The following UST variants were observed in gnomAD, a reference collection of about 807,000 sequenced individuals.
UST encodes uronyl 2-sulfotransferase.
In UST, 21 loss-of-function variants were observed where a neutral mutation model predicts 45.6. That is an observed-to-expected ratio of 0.46 (90% CI 0.33 to 0.66). UST has a LOEUF of 0.66. UST is among the 30% of genes least tolerant of loss of function. The pLI is 0.02. For synonymous variants in UST, 215 were observed against 200.6 expected (o/e 1.07, Z -0.61); for missense variants, 463 against 512.4 (o/e 0.90, Z 0.93).
chr6:148,792,603 G>A (rs1278498124), intron 1 of UST, among the ~76,000 whole-genome samples: 2 of 152,192 alleles, frequency 1.3e-5, no homozygotes, highest in African/African-American at 2.4e-5. Context: ...TGGAGCTCAC[G>A]TTTCAGGCAG....
Position 148,888,159 on chromosome 6 carries a change from G to A in UST, c.291+1130G>A, listed in dbSNP as rs116588884. On this transcript the variant is annotated intron_variant, in intron 2 of 7. Transcript: ENST00000367463. The stretch of plus-strand genomic sequence containing the variant: ...TTTCAATCATGGTGGAAGGCAGAGA[G>A]GAAGCAGGCGCATCTTACGTGGCCA... 3.9e-3 allele frequency among the ~76,000 whole-genome samples: 592 copies of A among 152,288 alleles called. 4 individuals are homozygous for A. The highest frequency in any genetic ancestry group is 0.013 in the African/African-American group (548 of 41,566).
chr6:148,955,083 GT>G (rs1000193847), intron 4 of UST, among the ~76,000 whole-genome samples: 1 of 152,238 alleles, frequency 6.6e-6, no homozygotes, highest in African/African-American at 2.4e-5. Flanking sequence ...GGCCTCCCTT[GT>G]CAGCCCTCTG....
At chr6:148,829,357 A>G (rs1404697966) in intron 1 of UST, among the ~76,000 whole-genome samples, 13 of 152,204 alleles carry the variant, frequency 8.5e-5, no homozygotes, top group Admixed American at 8.5e-4. Context: ...CACCCTCTGC[A>G]CTAATGACCC....
At chr6:148,814,918 T>A (rs569423024) in intron 1 of UST, among the ~76,000 whole-genome samples, 8 of 152,172 alleles carry the variant, frequency 5.3e-5, no homozygotes, top group Non-Finnish European at 1.2e-4. Flanking sequence ...GCCAACTTAC[T>A]CCATTAATGA....
chr6:148,886,601 G>T (rs1778916238), intron 1 of UST, among the ~76,000 whole-genome samples: 1 of 152,208 alleles, frequency 6.6e-6, no homozygotes, highest in Non-Finnish European at 1.5e-5. Context: ...TAGAAATGCA[G>T]GTTCTCAGAC....
intron 1 of UST, among the ~76,000 whole-genome samples, chr6:148,791,660 T>A (rs890396809): frequency 1.3e-5 from 2 of 152,208 alleles, no homozygotes; most frequent in Non-Finnish European, 2.9e-5. Flanking sequence ...CTGTGACCAC[T>A]TTTCCTAGAT....
chr6:148,784,627 G>A (rs888154696), intron 1 of UST, among the ~76,000 whole-genome samples: 10 of 152,198 alleles, frequency 6.6e-5, no homozygotes, highest in African/African-American at 2.4e-4. Context: ...ACATATATTG[G>A]CTGTTTATCT....
chr6:148,999,707 A>C lies in UST; in HGVS notation c.682-19432A>C, dbSNP rs114890001. ...TAAACATGTGACCTTGCTTTGGCAC[A>C]GACTTGACATCTTACTCAACTTCTT... On this transcript the variant is annotated intron_variant, in intron 5 of 7. Transcript: ENST00000367463. Among the ~76,000 whole-genome samples, 376 of 142,052 alleles carry C rather than the reference A, an allele frequency of 2.6e-3. 5 individuals are homozygous for C. The highest frequency in any genetic ancestry group is 8.8e-3 in the African/African-American group (360 of 40,780). 93.2% of individuals were successfully genotyped at this position (142,052 alleles called of 152,430 possible).
intron 1 of UST, among the ~76,000 whole-genome samples, chr6:148,866,039 A>G (rs537373539): frequency 1.3e-5 from 2 of 152,020 alleles, no homozygotes; most frequent in African/African-American, 2.4e-5. Flanking sequence ...GTATGTATAT[A>G]TATATACAAA....
chr6:149,015,573 A>G (rs563793888), intron 5 of UST, among the ~76,000 whole-genome samples: 1 of 152,356 alleles, frequency 6.6e-6, no homozygotes, highest in South Asian at 2.1e-4. Flanking sequence ...TAAAGTCATC[A>G]ATGCAGTGAC....
intron 7 of UST, among the ~76,000 whole-genome samples, chr6:149,060,216 A>C (rs1023101180): frequency 6.6e-6 from 1 of 152,070 alleles, no homozygotes; most frequent in Non-Finnish European, 1.5e-5. Context: ...ATATTTCCAG[A>C]TCTGAATAAA....
intron 4 of UST, among the ~76,000 whole-genome samples, chr6:148,962,473 C>A (rs1276626727): frequency 2.0e-5 from 3 of 152,210 alleles, no homozygotes; most frequent in East Asian, 1.9e-4. Flanking sequence ...ATTTGGTATG[C>A]AAGCCTTGTC....
At chr6:148,828,657 T>C (rs1777619444) in intron 1 of UST, among the ~76,000 whole-genome samples, 1 of 152,186 alleles carries the variant, frequency 6.6e-6, no homozygotes, top group Non-Finnish European at 1.5e-5. Context: ...ACTAAATGAA[T>C]TTATGCACAT....
At chr6:148,849,340 T>C (rs910254563) in intron 1 of UST, among the ~76,000 whole-genome samples, 2 of 152,210 alleles carry the variant, frequency 1.3e-5, no homozygotes, top group African/African-American at 2.4e-5. Flanking sequence ...TCTTTGAGTA[T>C]AAGAATTAAT....
At chr6:149,034,834 TTCTCTCTCTCTCTCTCTCTCTCTCTC>T (rs60813679) in intron 7 of UST, among the ~76,000 whole-genome samples, 952 of 45,762 alleles carry the variant, frequency 0.021, 18 homozygotes, top group Middle Eastern at 0.076. Context: ...TTCATGCTCA[TTCTCTCTCTCTCTCTCTCTCTCTCTC>T]TCTCTCTCTC....
intron 1 of UST, among the ~76,000 whole-genome samples, chr6:148,884,341 C>T (rs1264488942): frequency 6.6e-6 from 1 of 152,136 alleles, no homozygotes; most frequent in Non-Finnish European, 1.5e-5. Flanking sequence ...TCACACAAGT[C>T]CCTGTTCTCA....
intron 2 of UST, among the ~76,000 whole-genome samples, chr6:148,936,794 C>T (rs1780035400): frequency 6.6e-6 from 1 of 152,220 alleles, no homozygotes; most frequent in African/African-American, 2.4e-5. Context: ...CTCTCGGCTT[C>T]AAGCGATTCT....
chr6:148,808,720 A>G (rs575440960), intron 1 of UST, among the ~76,000 whole-genome samples: 2 of 152,268 alleles, frequency 1.3e-5, no homozygotes, highest in East Asian at 1.9e-4. Flanking sequence ...TCAGCCCCCA[A>G]TGTCATGGTA....
Position 148,904,711 on chromosome 6 carries a change from A to T in UST, c.291+17682A>T, listed in dbSNP as rs138771872. On this transcript the variant is annotated intron_variant, in intron 2 of 7. Transcript: ENST00000367463. ...GCTAATTTTTGTGTTTTTAGTAGAG[A>T]CTGAGTTTCATCATGTTGGACAGGC... is the stretch of plus-strand genomic sequence containing the variant. Among the ~76,000 whole-genome samples the T allele has an allele frequency of 2.8e-3, 423 of 152,162 alleles. 2 individuals carry two copies. Among genetic ancestry groups the T allele is most frequent in the Non-Finnish European group, 1.9e-3 (128 of 68,004 alleles).
Sources: allele counts gnomAD v4.1 joint callset (sites outside exome capture counted in the v4.1 genomes callset), GRCh38; gene constraint gnomAD v4.1.1; transcripts MANE v1.5; gene names NCBI Gene and HGNC (gene_info 2026-07-23, HGNC 2026-07-21).